CMSS1: variants seen among roughly 807,000 people sequenced by gnomAD.
CMSS1 encodes the protein protein CMSS1.
A neutral mutation model predicts 43.5 loss-of-function variants in CMSS1; 33 were observed. That is an observed-to-expected ratio of 0.76 (90% CI 0.57 to 1.01). The LOEUF (loss-of-function observed/expected upper bound fraction) is 1.01, where lower values mean the gene tolerates loss of function less well. Ranked by LOEUF, CMSS1 falls within the 50% of genes least tolerant of loss-of-function variation. The pLI is 0.00. For missense variants in CMSS1, 313 were observed against 326.4 expected, an observed-to-expected ratio of 0.96 and a Z score of 0.32; for synonymous variants, 115 against 117.2, an observed-to-expected ratio of 0.98 and a Z score of 0.12.
At chr3:99,938,034 T>C (rs1707735708) in intron 1 of CMSS1, among the ~76,000 whole-genome samples, 1 of 150,912 alleles carries the variant, frequency 6.6e-6, no homozygotes. Context: ...CACTGGTGCC[T>C]GCAAAAGGCT....
chr3:100,152,236 G>T, intron 2 of CMSS1, among the ~76,000 whole-genome samples: 1 of 151,162 alleles, frequency 6.6e-6, no homozygotes. Context: ...AGCAGAATGG[G>T]TTTGCAACTG....
At chr3:100,130,981 G>A (rs1029339654) in intron 1 of CMSS1, among the ~76,000 whole-genome samples, 2 of 152,188 alleles carry the variant, frequency 1.3e-5, no homozygotes, top group African/African-American at 4.8e-5. Context: ...GGAGGAGAGA[G>A]TGTCAAAAAG....
intron 1 of CMSS1, among the ~76,000 whole-genome samples, chr3:99,920,912 C>A (rs544102290): frequency 6.6e-6 from 1 of 152,296 alleles, no homozygotes; most frequent in East Asian, 1.9e-4. Flanking sequence ...TAGATACAAA[C>A]CAACACTTAG....
At chr3:100,064,194 G>A (rs1293938305) in intron 1 of CMSS1, among the ~76,000 whole-genome samples, 5 of 152,174 alleles carry the variant, frequency 3.3e-5, no homozygotes, top group Admixed American at 1.3e-4. Context: ...GTTGTCTTCC[G>A]GGAATGTATT....
chr3:100,101,252 C>T (rs893491281), intron 1 of CMSS1, among the ~76,000 whole-genome samples: 2 of 152,122 alleles, frequency 1.3e-5, no homozygotes, highest in African/African-American at 4.8e-5. Flanking sequence ...TACTGAGGGA[C>T]AGTTAATACT....
chr3:99,918,944 T>G (rs1400358903), intron 1 of CMSS1, among the ~76,000 whole-genome samples: 1 of 152,322 alleles, frequency 6.6e-6, no homozygotes, highest in Non-Finnish European at 1.5e-5. Context: ...AAATAGCTCC[T>G]TGCCAGAAAA....
chr3:99,860,266 T>TA (rs2107552060), intron 1 of CMSS1, among the ~76,000 whole-genome samples: 1 of 152,294 alleles, frequency 6.6e-6, no homozygotes, highest in Non-Finnish European at 1.5e-5. Context: ...GGTATACTGT[T>TA]AGTCATTACT....
intron 2 of CMSS1, among the ~76,000 whole-genome samples, chr3:100,150,932 A>G (rs2066902102): frequency 6.6e-6 from 1 of 152,150 alleles, no homozygotes; most frequent in Admixed American, 6.5e-5. Context: ...CAGTGGTTCC[A>G]TGACCCATCT....
chr3:99,994,791 T>C (rs1709626844), intron 1 of CMSS1, among the ~76,000 whole-genome samples: 1 of 152,088 alleles, frequency 6.6e-6, no homozygotes, highest in Non-Finnish European at 1.5e-5. Context: ...ATGAGGAAGA[T>C]GCAAAAGCAG....
intron 1 of CMSS1, among the ~76,000 whole-genome samples, chr3:100,014,418 A>T (rs981661374): frequency 1.2e-4 from 18 of 151,950 alleles, no homozygotes; most frequent in Non-Finnish European, 2.1e-4. Flanking sequence ...AAACCTGCAG[A>T]CTTATTTTCT....
At chr3:99,855,517 T>C (rs1943917550) in intron 1 of CMSS1, among the ~76,000 whole-genome samples, 1 of 152,200 alleles carries the variant, frequency 6.6e-6, no homozygotes, top group African/African-American at 2.4e-5. Context: ...ATTTTATAGC[T>C]GTGAAAATTG....
chr3:100,041,904 A>G (rs1350483487), intron 1 of CMSS1, among the ~76,000 whole-genome samples: 4 of 152,224 alleles, frequency 2.6e-5, no homozygotes, highest in Admixed American at 2.0e-4. Flanking sequence ...AAATAATGAC[A>G]GCTGAAAACT....
At chr3:99,820,213 TG>T (rs1383682335) in intron 1 of CMSS1, among the ~76,000 whole-genome samples, 27 of 151,958 alleles carry the variant, frequency 1.8e-4, no homozygotes, top group Non-Finnish European at 2.1e-4. Context: ...TTTTTTTTTT[TG>T]AGACGAAGTC....
chr3:100,171,927 A>C, intron 7 of CMSS1, 28 bp downstream of exon 7: 1 of 1,578,960 alleles, frequency 6.3e-7, no homozygotes, highest in Non-Finnish European at 8.7e-7. Context: ...TGATCCCTAA[A>C]GGCCTCTCCC....
intron 1 of CMSS1, among the ~76,000 whole-genome samples, chr3:100,102,332 A>G (rs1454076415): frequency 1.3e-5 from 2 of 152,166 alleles, no homozygotes; most frequent in South Asian, 2.1e-4. Flanking sequence ...ATGAGATGGT[A>G]TCTCATTGTG....
chr3:100,009,180 G>A (rs1710072067), intron 1 of CMSS1, among the ~76,000 whole-genome samples: 1 of 152,162 alleles, frequency 6.6e-6, no homozygotes, highest in African/African-American at 2.4e-5. Context: ...GTTTCAATTT[G>A]ATCACTCAAA....
At chr3:99,885,069 A>G (rs570344037) in intron 1 of CMSS1, among the ~76,000 whole-genome samples, 1 of 152,346 alleles carries the variant, frequency 6.6e-6, no homozygotes, top group East Asian at 1.9e-4. Context: ...TCCTTTCAGC[A>G]GTCAACTATA....
At chr3:100,028,222 G>A (rs995032945) in intron 1 of CMSS1, among the ~76,000 whole-genome samples, 3 of 152,156 alleles carry the variant, frequency 2.0e-5, no homozygotes, top group African/African-American at 4.8e-5. Context: ...CAGTTTTGCA[G>A]ATGAGGAAAC....
rs145072433 is a variant in CMSS1, at chr3:99,902,551, G to A, written c.64+84508G>A. On this transcript the variant is annotated intron_variant, in intron 1 of 9. Transcript: ENST00000421999. ...TTCTGAGGAAATGGTGTGAAGGGTAGTAATTCAAACTATATCTGAAAACTA... is the reference window on the plus strand; with the variant it reads ...TTCTGAGGAAATGGTGTGAAGGGTAATAATTCAAACTATATCTGAAAACTA... 7.7e-3 allele frequency among the ~76,000 whole-genome samples: 1,166 copies of A among 152,284 alleles called. 20 individuals are homozygous for A. The highest frequency in any genetic ancestry group is 0.026 in the African/African-American group (1,076 of 41,562).
Sources: allele counts gnomAD v4.1 joint callset (sites outside exome capture counted in the v4.1 genomes callset), GRCh38; gene constraint gnomAD v4.1.1; transcripts MANE v1.5; gene names NCBI Gene and HGNC (gene_info 2026-07-23, HGNC 2026-07-21).